The following EIF2AK4 variants were observed in gnomAD, a reference collection of about 807,000 sequenced individuals.
EIF2AK4 encodes the protein eukaryotic translation initiation factor 2 alpha kinase 4, also known as eIF-2-alpha kinase GCN2.
Under a neutral mutation model 211.1 loss-of-function variants are expected in EIF2AK4, and 139 were observed. That is an observed-to-expected ratio of 0.66 (90% CI 0.57 to 0.76). The LOEUF is 0.76. Ranked by LOEUF, EIF2AK4 falls within the 30% of genes least tolerant of loss-of-function variation. The pLI, the probability that EIF2AK4 is intolerant of heterozygous loss-of-function variation, is 0.00. For synonymous variants in EIF2AK4, 710 were observed against 751.3 expected, an observed-to-expected ratio of 0.94 and a Z score of 0.90; for missense variants, 1,664 against 2,043.8, an observed-to-expected ratio of 0.81 and a Z score of 3.58.
intron 7 of EIF2AK4, among the ~76,000 whole-genome samples, 172 bp downstream of exon 7, chr15:39,962,071 G>T (rs1208816220): frequency 6.6e-6 from 1 of 152,184 alleles, no homozygotes; most frequent in Non-Finnish European, 1.5e-5. Flanking sequence ...AAATCACTCA[G>T]GTTTCCTCTA....
chr15:39,959,803 C>T (rs560258020), intron 6 of EIF2AK4, among the ~76,000 whole-genome samples: 2 of 152,334 alleles, frequency 1.3e-5, no homozygotes, highest in East Asian at 1.9e-4. Context: ...CCTAGTTGCA[C>T]ACATAACTTT....
chr15:39,967,659 A>G lies in EIF2AK4; in HGVS notation c.1333A>G (p.Ser445Gly). The part of the protein sequence containing the change: ...AEGTVKITDY[S>G]ISKRLADICK... ...AGGCACCGTCAAGATTACGGACTAT[A>G]GCATTTCTAAGCGCCTCGCAGACAT... Residue 445 changes from serine to glycine, a missense_variant, in exon 9 of 39, where the codon AGC (serine) becomes GGC (glycine). Around this residue, in one of 7 missense-constraint regions of EIF2AK4, gnomAD observed 641 missense variants for 729.6 expected, o/e 0.88. Coordinates refer to ENST00000263791, the MANE Select transcript of EIF2AK4 (RefSeq NM_001013703.4). 3.1e-6 allele frequency: 5 copies of G among 1,614,196 alleles called. No individual in the cohort carries two copies. Among genetic ancestry groups the G allele is most frequent in the South Asian group, 1.1e-5 (1 of 91,082 alleles).
intron 31 of EIF2AK4, chr15:40,022,223 G>GTGTGTTGTC (rs2035400755): frequency 1.3e-5 from 2 of 159,936 alleles, no homozygotes; most frequent in Admixed American, 2.0e-4. Context: ...TGTATGTTGT[G>GTGTGTTGTC]TTGTATAATT....
At chr15:39,993,030 GTCCATCCATCCA>G (rs1199022740) in intron 18 of EIF2AK4, among the ~76,000 whole-genome samples, 182 bp downstream of exon 18, 18 of 146,680 alleles carry the variant, frequency 1.2e-4, no homozygotes, top group Admixed American at 3.4e-4. Flanking sequence ...GGAGCTTACA[GTCCATCCATCCA>G]TCCATCCATC....
chr15:39,964,699 A>C (rs2034519402), intron 7 of EIF2AK4, among the ~76,000 whole-genome samples: 1 of 152,216 alleles, frequency 6.6e-6, no homozygotes, highest in Non-Finnish European at 1.5e-5. Context: ...AGAATTTTCT[A>C]TTATGGTTTT....
At chr15:40,025,643 G>A (rs2035456785) in intron 32 of EIF2AK4, among the ~76,000 whole-genome samples, 1 of 151,648 alleles carries the variant, frequency 6.6e-6, no homozygotes, top group African/African-American at 2.4e-5. Flanking sequence ...ATTCATCTTG[G>A]CCTTAAAAAA....
intron 13 of EIF2AK4, among the ~76,000 whole-genome samples, chr15:39,981,842 T>G (rs529206219): frequency 1.1e-4 from 17 of 152,088 alleles, no homozygotes; most frequent in African/African-American, 4.1e-4. Context: ...TCCTAGAGGG[T>G]CATTCACTGT....
At chr15:39,939,426 CT>C in intron 1 of EIF2AK4, 78 bp from the exon 2 acceptor site, 1 of 773,854 alleles carries the variant, frequency 1.3e-6, no homozygotes, top group Non-Finnish European at 1.9e-6. Flanking sequence ...AACTTTTGAT[CT>C]AAAATGATCA....
At chr15:39,993,098 A>G (rs549731485) in intron 18 of EIF2AK4, among the ~76,000 whole-genome samples, 2 of 146,336 alleles carry the variant, frequency 1.4e-5, no homozygotes, top group East Asian at 1.9e-4. Context: ...CCATCCATCC[A>G]TCCATCCACC....
rs1390821891 is a variant in EIF2AK4, at chr15:39,967,581, A to C, written c.1255A>C (p.Asn419His). 2 of 1,613,612 alleles carry C rather than the reference A, an allele frequency of 1.2e-6. No individual in the cohort carries two copies. The highest frequency in any genetic ancestry group is 1.7e-6 in the Non-Finnish European group (2 of 1,179,840). The change falls in exon 9 of 39, where the codon AAT (asparagine) becomes CAT (histidine). Residue 419 changes from asparagine to histidine, a missense_variant. Asn to His is a moderately conservative substitution (Grantham distance 68). Transcript: ENST00000263791. Reference protein sequence around the residue: ...LLSGLDYLHSNSVVHKVLSAS... With the variant: ...LLSGLDYLHSHSVVHKVLSAS... Reference sequence around the variant, plus strand: ...GTCAGGCCTTGATTATCTGCACAGCAATTCTGTGGTGCATAAGGTCCTGAG... The same window carrying C: ...GTCAGGCCTTGATTATCTGCACAGCCATTCTGTGGTGCATAAGGTCCTGAG...
chr15:40,020,199 A>G (rs1280556716), intron 30 of EIF2AK4, among the ~76,000 whole-genome samples: 1 of 151,518 alleles, frequency 6.6e-6, no homozygotes, highest in Admixed American at 6.6e-5. Context: ...AAGAAAAGAA[A>G]TCCTGCTGTG....
Position 40,009,607 on chromosome 15 carries a change from A to G in EIF2AK4, c.3577-7A>G. The stretch of plus-strand genomic sequence containing the variant: ...AATGAAAATAGTAATTTTTCTCCAT[A>G]TCCCAGGAAAGAAATTACAGTATTT... On this transcript the variant is annotated splice_polypyrimidine_tract_variant and splice_region_variant and intron_variant, in intron 25 of 38. Transcript: ENST00000263791. The G allele has an allele frequency of 6.5e-7, 1 of 1,541,546 alleles. No homozygotes were observed. The highest frequency in any genetic ancestry group is 8.8e-7 in the Non-Finnish European group (1 of 1,134,564).
In EIF2AK4 at chr15:39,964,502, A is replaced by G. The variant is rs150852669; in HGVS notation, c.860-1184A>G. On this transcript the variant is annotated intron_variant, in intron 7 of 38. Coordinates refer to ENST00000263791, the MANE Select transcript of EIF2AK4 (RefSeq NM_001013703.4). The stretch of plus-strand genomic sequence containing the variant: ...TGGCATCTAGTGGGTAGATACCAGG[A>G]TTGCTGCTAAAATCCTACAGTGCAC... 2.8e-4 allele frequency among the ~76,000 whole-genome samples: 42 copies of G among 152,196 alleles called. No homozygotes were observed. The East Asian group carries it at 8.1e-3, about 29-fold the overall frequency.
intron 30 of EIF2AK4, among the ~76,000 whole-genome samples, chr15:40,020,226 A>G (rs1229142327): frequency 6.6e-6 from 1 of 151,852 alleles, no homozygotes; most frequent in Non-Finnish European, 1.5e-5. Context: ...AAAGCTAGAA[A>G]TAGCTTTTTT....
intron 26 of EIF2AK4, among the ~76,000 whole-genome samples, 176 bp from the exon 27 acceptor site, chr15:40,011,105 G>T (rs186945937): frequency 6.6e-6 from 1 of 151,968 alleles, no homozygotes; most frequent in Non-Finnish European, 1.5e-5. Flanking sequence ...AGTTAATTAC[G>T]GTTTTGTGTG....
intron 24 of EIF2AK4, among the ~76,000 whole-genome samples, chr15:40,007,380 C>A (rs749087664): frequency 6.6e-6 from 1 of 152,202 alleles, no homozygotes; most frequent in Admixed American, 6.5e-5. Flanking sequence ...TCTGGCTGTT[C>A]ATGATCACAG....
intron 2 of EIF2AK4, among the ~76,000 whole-genome samples, chr15:39,941,548 TAAAG>T (rs112574148): frequency 0.046 from 7,052 of 152,028 alleles, 543 homozygotes; most frequent in African/African-American, 0.16. Flanking sequence ...AAAATCAAAA[TAAAG>T]AAAAAGGTAT....
chr15:39,959,999 T>TA (rs2034445985), intron 6 of EIF2AK4, among the ~76,000 whole-genome samples: 1 of 151,818 alleles, frequency 6.6e-6, no homozygotes, highest in Non-Finnish European at 1.5e-5. Flanking sequence ...CTGTCTCTAC[T>TA]AAAAATACAA....
chr15:39,947,394 C>T (rs897380724), intron 3 of EIF2AK4, among the ~76,000 whole-genome samples: 12 of 152,106 alleles, frequency 7.9e-5, no homozygotes, highest in African/African-American at 2.9e-4. Flanking sequence ...TAAGCACTTC[C>T]AATTGCTTAT....
Sources: allele counts gnomAD v4.1 joint callset (sites outside exome capture counted in the v4.1 genomes callset), GRCh38; gene constraint gnomAD v4.1.1; regional missense constraint gnomAD v4.1.1; transcripts MANE v1.5; gene names NCBI Gene and HGNC (gene_info 2026-07-23, HGNC 2026-07-21).